GALNT17: variants seen among roughly 807,000 people sequenced by gnomAD.
GALNT17 encodes the protein polypeptide N-acetylgalactosaminyltransferase 17, also known as UDP-GalNAc:polypeptide N-acetylgalactosaminyltransferase-like 3.
Under a neutral mutation model 63.7 loss-of-function variants are expected in GALNT17, and 29 were observed. The ratio of observed to expected loss-of-function variants is 0.46; its 90% confidence interval spans 0.34 to 0.62. The LOEUF (loss-of-function observed/expected upper bound fraction) is 0.62. Among genes scored for constraint, GALNT17 ranks in the 20% least tolerant of loss-of-function variants. The probability of loss-of-function intolerance (pLI) is 0.01; values close to 1 mark genes in which losing one functional copy is unlikely to be tolerated. For synonymous variants in GALNT17, 305 were observed against 318.3 expected (o/e 0.96, Z 0.45); for missense variants, 603 against 799.6 (o/e 0.75, Z 2.97).
At chr7:71,136,075 C>T (rs996340227) in intron 1 of GALNT17, among the ~76,000 whole-genome samples, 1 of 152,166 alleles carries the variant, frequency 6.6e-6, no homozygotes, top group Non-Finnish European at 1.5e-5. Context: ...GGGGCTCTTC[C>T]TCTCTCTCCA....
rs553751646 is a variant in GALNT17, at chr7:71,661,595, G to A, written c.1081-3816G>A. Reference sequence around the variant, plus strand: ...GAGCTAAAGTGCAGACTTAGGCTGAGGCAGGCAGGATAATGACCACAGTGC... The same window carrying A: ...GAGCTAAAGTGCAGACTTAGGCTGAAGCAGGCAGGATAATGACCACAGTGC... On this transcript the variant is annotated intron_variant, in intron 6 of 10. Transcript: ENST00000333538. Among the ~76,000 whole-genome samples the A allele has an allele frequency of 6.6e-5, 10 of 152,304 alleles. No individual in the cohort carries two copies. The East Asian group carries it at 1.7e-3, about 26-fold the overall frequency.
rs1446969356 is a variant in GALNT17 at position 71,216,669 on chromosome 7, CACACAG to C, written c.238+83635_238+83640del. Among the ~76,000 whole-genome samples the C allele has an allele frequency of 2.9e-4, 37 of 128,420 alleles. 1 individual carries two copies. Among genetic ancestry groups the C allele is most frequent in the Admixed American group, 2.0e-3 (27 of 13,270 alleles). 84.2% of individuals were successfully genotyped at this position (128,420 alleles called of 152,430 possible). A position where few individuals can be genotyped will look rare whatever the true frequency, so the allele number is the denominator to read the frequency against. On this transcript the variant is annotated intron_variant, in intron 1 of 10. Coordinates refer to ENST00000333538, the MANE Select transcript of GALNT17 (RefSeq NM_022479.3). ...ACAGACATACAAATACACATATATACACACAGACACAAACACACACATATACACATA... is the reference window on the plus strand; with the variant it reads ...ACAGACATACAAATACACATATATACACACAAACACACACATATACACATA...
At chr7:71,252,392 G>A (rs1790214918) in intron 1 of GALNT17, among the ~76,000 whole-genome samples, 1 of 152,076 alleles carries the variant, frequency 6.6e-6, no homozygotes, top group South Asian at 2.1e-4. Context: ...GGGCACGGTG[G>A]CACGTGCCTG....
At chr7:71,248,019 C>G (rs888539160) in intron 1 of GALNT17, among the ~76,000 whole-genome samples, 1 of 152,154 alleles carries the variant, frequency 6.6e-6, no homozygotes, top group African/African-American at 2.4e-5. Flanking sequence ...GTGTATTAGT[C>G]TGTTCTCACA....
chr7:71,212,820 A>G (rs558324070), intron 1 of GALNT17, among the ~76,000 whole-genome samples: 8 of 152,218 alleles, frequency 5.3e-5, no homozygotes, highest in African/African-American at 1.7e-4. Flanking sequence ...AATTTCTCCC[A>G]TTTGGAACAG....
intron 2 of GALNT17, among the ~76,000 whole-genome samples, chr7:71,350,919 T>C (rs1238301716): frequency 1.3e-5 from 2 of 152,196 alleles, no homozygotes; most frequent in African/African-American, 4.8e-5. Flanking sequence ...GGCTGGTGGA[T>C]CACTTAAGGC....
At chr7:71,641,694 A>G (rs961807169) in intron 6 of GALNT17, among the ~76,000 whole-genome samples, 7 of 152,072 alleles carry the variant, frequency 4.6e-5, no homozygotes, top group Non-Finnish European at 8.8e-5. Context: ...CAGGATTTGA[A>G]CACATGAATT....
At chr7:71,175,546 T>C (rs1788622797) in intron 1 of GALNT17, among the ~76,000 whole-genome samples, 1 of 151,904 alleles carries the variant, frequency 6.6e-6, no homozygotes, top group African/African-American at 2.4e-5. Flanking sequence ...ACATGGAGGA[T>C]GAAATAAAGA....
chr7:71,185,468 G>A (rs202141010), intron 1 of GALNT17, among the ~76,000 whole-genome samples: 4 of 150,840 alleles, frequency 2.7e-5, no homozygotes, highest in African/African-American at 9.8e-5. Context: ...AAAGTGCTGC[G>A]ATTACAGGCA....
chr7:71,285,179 C>G (rs2115778800), intron 1 of GALNT17, among the ~76,000 whole-genome samples: 1 of 152,236 alleles, frequency 6.6e-6, no homozygotes, highest in South Asian at 2.1e-4. Context: ...ACCGAATACA[C>G]CTTTCTGATC....
At chr7:71,290,368 T>C (rs1186058701) in intron 1 of GALNT17, among the ~76,000 whole-genome samples, 1 of 152,176 alleles carries the variant, frequency 6.6e-6, no homozygotes, top group Non-Finnish European at 1.5e-5. Context: ...AGGAATATAC[T>C]CATCTAGGGA....
At chr7:71,135,034 T>C (rs1398307539) in intron 1 of GALNT17, among the ~76,000 whole-genome samples, 1 of 151,898 alleles carries the variant, frequency 6.6e-6, no homozygotes, top group Admixed American at 6.6e-5. Context: ...TAATTTTTTG[T>C]AGACACAGGG....
chr7:71,469,019 G>A (rs1259370096), intron 5 of GALNT17, among the ~76,000 whole-genome samples: 1 of 152,152 alleles, frequency 6.6e-6, no homozygotes, highest in Admixed American at 6.5e-5. Context: ...ATGACAAAGT[G>A]ACATGCGTGC....
intron 3 of GALNT17, among the ~76,000 whole-genome samples, chr7:71,390,345 C>T (rs777741562): frequency 3.3e-5 from 5 of 152,168 alleles, no homozygotes; most frequent in Admixed American, 1.3e-4. Context: ...CCTTCTGAAC[C>T]GGCCCACTCT....
chr7:71,440,269 G>T (rs1196328456), intron 5 of GALNT17, among the ~76,000 whole-genome samples: 1 of 151,836 alleles, frequency 6.6e-6, no homozygotes, highest in Non-Finnish European at 1.5e-5. Flanking sequence ...AACTGCAGAA[G>T]ACTCTGAAAT....
chr7:71,612,451 G>A (rs540016255), intron 6 of GALNT17, among the ~76,000 whole-genome samples: 2 of 152,188 alleles, frequency 1.3e-5, no homozygotes, highest in East Asian at 3.8e-4. Context: ...TCGTGCATTG[G>A]GTCGAAATTA....
chr7:71,694,086 A>T (rs1791503846), intron 9 of GALNT17, among the ~76,000 whole-genome samples: 1 of 152,150 alleles, frequency 6.6e-6, no homozygotes, highest in Non-Finnish European at 1.5e-5. Context: ...GTGGAAGGTG[A>T]AAGTGATGTC....
At chr7:71,221,510 C>T (rs979887308) in intron 1 of GALNT17, among the ~76,000 whole-genome samples, 1 of 151,260 alleles carries the variant, frequency 6.6e-6, no homozygotes, top group African/African-American at 2.4e-5. Flanking sequence ...ACTCGGCTGA[C>T]TTCTCCTTCA....
At chr7:71,468,485 C>T (rs1005894930) in intron 5 of GALNT17, among the ~76,000 whole-genome samples, 6 of 151,920 alleles carry the variant, frequency 3.9e-5, no homozygotes, top group African/African-American at 7.3e-5. Flanking sequence ...GGTGCCACCT[C>T]GGATCACTGC....
Sources: gnomAD v4.1 joint callset for allele counts (sites outside exome capture counted in the v4.1 genomes callset) on GRCh38, gnomAD v4.1.1 for gene constraint, MANE v1.5 for transcripts, NCBI Gene and HGNC (gene_info 2026-07-23, HGNC 2026-07-21) for gene names.